DNM3: variants seen among roughly 807,000 people sequenced by gnomAD.
DNM3 encodes the protein dynamin 3, also known as dynamin-3.
DNM3 carries 47 observed loss-of-function variants against 101.6 expected under a neutral mutation model. The observed-to-expected ratio is 0.46, with a 90% CI of 0.37 to 0.59. DNM3 has a LOEUF of 0.59. Ranked by LOEUF, DNM3 falls within the 20% of genes least tolerant of loss-of-function variation. DNM3 has a pLI of 0.00. For missense variants in DNM3, 849 were observed against 1,085.7 expected (o/e 0.78, Z 3.06); for synonymous variants, 385 against 387.9 (o/e 0.99, Z 0.09).
At chr1:172,127,712 C>T (rs1278292529) in intron 13 of DNM3, among the ~76,000 whole-genome samples, 2 of 151,958 alleles carry the variant, frequency 1.3e-5, no homozygotes, top group Non-Finnish European at 2.9e-5. Flanking sequence ...TCGGCCCTCT[C>T]TACTAATTAT....
At chr1:172,116,871 G>T (rs747440610) in intron 13 of DNM3, among the ~76,000 whole-genome samples, 2 of 151,936 alleles carry the variant, frequency 1.3e-5, no homozygotes, top group African/African-American at 4.8e-5. Context: ...TTCTTAGAAC[G>T]TACTTTGAGA....
At chr1:172,019,404 G>T (rs150089128) in intron 4 of DNM3, among the ~76,000 whole-genome samples, 1 of 142,342 alleles carries the variant, frequency 7.0e-6, no homozygotes, top group Non-Finnish European at 1.5e-5. Flanking sequence ...CTTCTTTCAA[G>T]ATTTTTATTT....
At chr1:171,996,511 C>G (rs189912271) in intron 4 of DNM3, among the ~76,000 whole-genome samples, 1 of 152,160 alleles carries the variant, frequency 6.6e-6, no homozygotes, top group African/African-American at 2.4e-5. Context: ...TCCTCCAGTA[C>G]TTTTTCCACT....
chr1:172,067,541 G>T (rs1266413222), intron 10 of DNM3, among the ~76,000 whole-genome samples: 2 of 151,878 alleles, frequency 1.3e-5, no homozygotes, highest in East Asian at 3.9e-4. Context: ...GCCACTAATT[G>T]CCCCCACTTC....
intron 14 of DNM3, among the ~76,000 whole-genome samples, chr1:172,218,196 AAAG>A (rs1238117259): frequency 1.3e-5 from 2 of 152,158 alleles, no homozygotes; most frequent in East Asian, 1.9e-4. Flanking sequence ...GAAGAGAGTA[AAAG>A]AAGAACACTG....
intron 2 of DNM3, 92 bp downstream of exon 2, chr1:171,921,913 T>G: frequency 8.9e-7 from 1 of 1,118,476 alleles, no homozygotes; most frequent in Non-Finnish European, 1.3e-6. Flanking sequence ...AGAAACGTTT[T>G]TGTGATCGCC....
chr1:171,882,357 A>AAG (rs2036346970), intron 1 of DNM3, among the ~76,000 whole-genome samples: 1 of 150,932 alleles, frequency 6.6e-6, no homozygotes, highest in Non-Finnish European at 1.5e-5. Flanking sequence ...AAAAAAAAAA[A>AAG]AGCCCTTTTG....
chr1:172,122,952 GT>G (rs751225019), intron 13 of DNM3, among the ~76,000 whole-genome samples: 2 of 152,170 alleles, frequency 1.3e-5, no homozygotes, highest in Non-Finnish European at 2.9e-5. Flanking sequence ...AAGAAATAAT[GT>G]GTGTGAAGCT....
chr1:171,981,941 G>A (rs1366506564), intron 2 of DNM3, among the ~76,000 whole-genome samples: 1 of 152,160 alleles, frequency 6.6e-6, no homozygotes, highest in African/African-American at 2.4e-5. Flanking sequence ...TGACTTTGTG[G>A]CTAGGAGATT....
intron 1 of DNM3, among the ~76,000 whole-genome samples, chr1:171,895,070 C>T (rs2037658617): frequency 6.6e-6 from 1 of 152,178 alleles, no homozygotes; most frequent in South Asian, 2.1e-4. Context: ...CAAGTCTTTG[C>T]TATTGTGAAT....
intron 1 of DNM3, among the ~76,000 whole-genome samples, chr1:171,867,565 A>G (rs976472734): frequency 1.3e-5 from 2 of 152,162 alleles, no homozygotes; most frequent in African/African-American, 4.8e-5. Flanking sequence ...GAGGCACCCA[A>G]ACTGGTTTTT....
intron 17 of DNM3, among the ~76,000 whole-genome samples, chr1:172,362,611 T>C (rs989890479): frequency 3.3e-5 from 5 of 151,978 alleles, no homozygotes; most frequent in Non-Finnish European, 7.4e-5. Flanking sequence ...ATGTCTTCCC[T>C]GGCCTAAAAG....
In DNM3 at chr1:172,007,365, T is replaced by C. The variant is rs180949922; in HGVS notation, c.589+18217T>C. Among the ~76,000 whole-genome samples, 619 of 152,264 alleles carry C rather than the reference T, an allele frequency of 4.1e-3. 3 individuals carry two copies. Among genetic ancestry groups the C allele is most frequent in the South Asian group, 0.014 (67 of 4,832 alleles). On this transcript the variant is annotated intron_variant, in intron 4 of 20. Transcript: ENST00000627582. ...GTCTGTGAGGCAGCATTGATGTGCA[T>C]GTCTCTGAGTGTCATCTTAGCGGTG...
chr1:172,014,423 T>TG (rs1466224744), intron 4 of DNM3, among the ~76,000 whole-genome samples: 1 of 152,182 alleles, frequency 6.6e-6, no homozygotes, highest in Non-Finnish European at 1.5e-5. Context: ...CAGCCATGAA[T>TG]GAGAGTTCCT....
chr1:171,903,620 A>G (rs1218425329), intron 1 of DNM3, among the ~76,000 whole-genome samples: 1 of 152,240 alleles, frequency 6.6e-6, no homozygotes. Context: ...TAGTGTCAAG[A>G]CTAAACTCTT....
At chr1:172,341,841 A>G (rs1456054026) in intron 17 of DNM3, among the ~76,000 whole-genome samples, 1 of 152,184 alleles carries the variant, frequency 6.6e-6, no homozygotes, top group Non-Finnish European at 1.5e-5. Context: ...CCTGACGAAG[A>G]CGCCAAAAGC....
At position 172,090,490 on chromosome 1, in the gene DNM3, T is replaced by C. The variant is rs77684652; in HGVS notation, c.1494-2334T>C. ...AAGACCTGAATAATGTAGATTTAGA[T>C]TGTTCAGAGAAATGGTTAAAGAGGA... On this transcript the variant is annotated intron_variant, in intron 12 of 20. Coordinates refer to ENST00000627582, the MANE Select transcript of DNM3 (RefSeq NM_015569.5). Among the ~76,000 whole-genome samples, 53 of 152,248 alleles carry C rather than the reference T, an allele frequency of 3.5e-4. 1 individual carries two copies. Among genetic ancestry groups the C allele is most frequent in the African/African-American group, 1.3e-3 (52 of 41,542 alleles).
At chr1:172,093,075 T>C (rs1356260702) in intron 13 of DNM3, among the ~76,000 whole-genome samples, 200 bp downstream of exon 13, 3 of 152,220 alleles carry the variant, frequency 2.0e-5, no homozygotes, top group Non-Finnish European at 4.4e-5. Context: ...GTTAACCATA[T>C]TGATTTATTT....
At chr1:172,115,979 C>T (rs2055861889) in intron 13 of DNM3, among the ~76,000 whole-genome samples, 1 of 152,068 alleles carries the variant, frequency 6.6e-6, no homozygotes, top group African/African-American at 2.4e-5. Context: ...AAAATAGGTA[C>T]TCAATTAACG....
Sources: allele counts gnomAD v4.1 joint callset (sites outside exome capture counted in the v4.1 genomes callset), GRCh38; gene constraint gnomAD v4.1.1; transcripts MANE v1.5; gene names NCBI Gene and HGNC (gene_info 2026-07-23, HGNC 2026-07-21).